The following METTL6 variants were observed in gnomAD, a reference collection of about 807,000 sequenced individuals.
METTL6 encodes the protein methyltransferase 6, tRNA N3-cytidine, also known as tRNA N(3)-cytidine methyltransferase METTL6.
METTL6 carries 22 observed loss-of-function variants against 26.4 expected under a neutral mutation model. The ratio of observed to expected loss-of-function variants is 0.83; its 90% CI spans 0.59 to 1.19. The LOEUF is 1.19. Among genes scored for constraint, METTL6 ranks in the 50% most tolerant of loss-of-function variants. The pLI is 0.00. For synonymous variants in METTL6, 109 were observed against 116.2 expected (o/e 0.94, Z 0.40); for missense variants, 304 against 324.8 (o/e 0.94, Z 0.49).
rs553517226 is a variant in METTL6 at position 15,393,109 on chromosome 3, T to C, written c.*12-8922A>G. ...GGGCAGTATGGCCATTTTCACGATATTGATTCTTCCTACCCATGAACATGG... is the reference window on the plus strand; with the variant it reads ...GGGCAGTATGGCCATTTTCACGATACTGATTCTTCCTACCCATGAACATGG... On this transcript the variant is annotated intron_variant, in intron 6 of 6. Transcript: ENST00000443029. Among the ~76,000 whole-genome samples the C allele has an allele frequency of 5.3e-5, 8 of 152,346 alleles. No individual in the cohort carries two copies. In the South Asian group the frequency reaches 1.7e-3, roughly 32 times the overall value.
In METTL6 at chr3:15,384,174, C is replaced by G. The variant is rs147780593; in HGVS notation, c.*25G>C. 9.0e-5 allele frequency: 34 copies of G among 379,264 alleles called. No individual in the cohort carries two copies. In the East Asian group the frequency reaches 3.3e-3, roughly 37 times the overall value. The allele number at this position is 379,264 out of a possible 1,614,324, so 23.5% of individuals were successfully genotyped here. A position where few individuals can be genotyped will look rare whatever the true frequency, so the allele number is the denominator to read the frequency against. The stretch of plus-strand genomic sequence containing the variant: ...CCTACAAAGAATCCCAGGTTCCAGA[C>G]TTTTGTTTGAGACCTGAAAAAGAAA... On this transcript the variant is annotated 3_prime_UTR_variant, in exon 7 of 7. Transcript: ENST00000443029.
intron 3 of METTL6, among the ~76,000 whole-genome samples, chr3:15,421,072 A>G (rs571021007): frequency 1.3e-5 from 2 of 152,360 alleles, no homozygotes; most frequent in East Asian, 3.9e-4. Flanking sequence ...AGGATAAAGA[A>G]GAACGGGTGG....
downstream of METTL6, among the ~76,000 whole-genome samples, chr3:15,406,011 GTATA>G (rs1267124834): frequency 1.3e-5 from 2 of 150,896 alleles, no homozygotes; most frequent in Non-Finnish European, 3.0e-5. Context: ...GTGTGTATGT[GTATA>G]TATATATACA....
intron 6 of METTL6, among the ~76,000 whole-genome samples, chr3:15,389,777 G>A (rs868351159): frequency 2.0e-5 from 3 of 151,396 alleles, no homozygotes; most frequent in African/African-American, 4.9e-5. Context: ...TCAAACTCCC[G>A]ACCTCAGTGG....
chr3:15,408,875 C>T (rs916449854), downstream of METTL6, among the ~76,000 whole-genome samples: 7 of 152,230 alleles, frequency 4.6e-5, no homozygotes, highest in East Asian at 1.9e-4. Context: ...AGTAGAGACA[C>T]AGGTGAAAGG....
chr3:15,425,220 C>G, intron 2 of METTL6, 131 bp from the exon 3 acceptor site: 1 of 933,278 alleles, frequency 1.1e-6, no homozygotes, highest in Non-Finnish European at 1.6e-6. Context: ...AACTAATAAG[C>G]AAAAGCTAAT....
chr3:15,391,777 C>G (rs955313980), intron 6 of METTL6, among the ~76,000 whole-genome samples: 4 of 151,432 alleles, frequency 2.6e-5, no homozygotes, highest in African/African-American at 9.7e-5. Flanking sequence ...TGATAGTTTG[C>G]TGAGAATGAT....
At chr3:15,413,563 C>T (rs934318112) in intron 5 of METTL6, 15 of 991,378 alleles carry the variant, frequency 1.5e-5, no homozygotes, top group Non-Finnish European at 1.8e-5. Flanking sequence ...CAGAATTAGA[C>T]TCTGTCTCAA....
intron 3 of METTL6, among the ~76,000 whole-genome samples, chr3:15,419,379 T>C (rs1187996237): frequency 6.6e-6 from 1 of 152,216 alleles, no homozygotes; most frequent in Non-Finnish European, 1.5e-5. Context: ...GCCTGTCTGT[T>C]CACTGTTTAA....
chr3:15,401,089 G>A (rs1234065590), intron 6 of METTL6, among the ~76,000 whole-genome samples: 4 of 151,796 alleles, frequency 2.6e-5, no homozygotes, highest in Non-Finnish European at 5.9e-5. Flanking sequence ...GCCCAGGCTG[G>A]AGTGCAGTGG....
intron 4 of METTL6, chr3:15,415,048 A>AAACG: frequency 1.1e-6 from 1 of 917,326 alleles, no homozygotes; most frequent in South Asian, 2.3e-5. Flanking sequence ...TTAAAAAAAC[A>AAACG]AACAAACAAA....
intron 5 of METTL6, 53 bp from the exon 6 acceptor site, chr3:15,411,490 T>C: frequency 6.4e-7 from 1 of 1,552,596 alleles, no homozygotes; most frequent in Non-Finnish European, 8.7e-7. Flanking sequence ...TTACATTTGC[T>C]TTGCAGTCCT....
chr3:15,425,121 T>C (rs1257501996), intron 2 of METTL6, 32 bp from the exon 3 acceptor site: 15 of 1,609,530 alleles, frequency 9.3e-6, no homozygotes, highest in Non-Finnish European at 1.0e-5. Flanking sequence ...TTATAGTATA[T>C]CACATTTGCA....
At chr3:15,381,612 C>T (rs1699084706) in exon 7 of METTL6, 1 of 152,194 alleles carries the variant, frequency 6.6e-6, no homozygotes, top group South Asian at 2.1e-4. Flanking sequence ...AAACTATAAA[C>T]TAAATTCCTT....
At position 15,414,127 on chromosome 3, in the gene METTL6, G is replaced by A; in HGVS notation, c.567C>T (p.Asp189=). ...LKPGKSVLFR[D]YGLYDHAMLR... The stretch of plus-strand genomic sequence containing the variant: ...GCATGGCATGATCATACAGTCCGTA[G>A]TCACGAAACAAGACACTTTTGCCTG... The change falls in exon 5 of 6, where the codon GAC becomes GAT. Residue 189 remains aspartate, a synonymous_variant. Transcript: ENST00000383790. 2 of 1,613,582 alleles carry A rather than the reference G, an allele frequency of 1.2e-6. No individual in the cohort carries two copies. The highest frequency in any genetic ancestry group is 1.7e-6 in the Non-Finnish European group (2 of 1,179,908).
downstream of METTL6, among the ~76,000 whole-genome samples, chr3:15,406,556 A>C (rs1003211466): frequency 7.3e-6 from 1 of 136,494 alleles, no homozygotes; most frequent in African/African-American, 2.8e-5. Flanking sequence ...TCCAACCCTG[A>C]CCCAGCCATG....
intron 6 of METTL6, among the ~76,000 whole-genome samples, chr3:15,389,411 T>C (rs891268955): frequency 4.6e-5 from 7 of 152,342 alleles, no homozygotes; most frequent in African/African-American, 1.7e-4. Context: ...CCTTCAGCCC[T>C]TTATGTAGAT....
rs1343997788 is a variant in METTL6 at position 15,426,381 on chromosome 3, T to C, written c.131A>G (p.Asn44Ser). 1 of 1,614,098 alleles carries C rather than the reference T, an allele frequency of 6.2e-7. No homozygotes were observed. The highest frequency in any genetic ancestry group is 8.5e-7 in the Non-Finnish European group (1 of 1,180,048). ...ATTTCTTTTGTAAAAAAGATCCCAA[T>C]TTTTCTGAGCCTCTTGTTCCAATTT... ...QQKLEQEAQK[N>S]WDLFYKRNST... The change falls in exon 2 of 6, where the codon AAT becomes AGT. Residue 44 changes from asparagine (N) to serine (S), a missense_variant. Asn to Ser is a conservative substitution (Grantham distance 46). Transcript: ENST00000383790.
chr3:15,392,698 T>C (rs1559479606), intron 6 of METTL6, among the ~76,000 whole-genome samples: 1 of 152,224 alleles, frequency 6.6e-6, no homozygotes, highest in East Asian at 1.9e-4. Context: ...GGGATCCAGT[T>C]TCAGCTTTCT....
Sources: gnomAD v4.1 joint callset for allele counts (sites outside exome capture counted in the v4.1 genomes callset) on GRCh38, gnomAD v4.1.1 for gene constraint, MANE v1.5 for transcripts, NCBI Gene and HGNC (gene_info 2026-07-23, HGNC 2026-07-21) for gene names.